The following FRK variants were observed in gnomAD, a reference collection of about 807,000 sequenced individuals.
FRK encodes the protein fyn related Src family tyrosine kinase, also known as tyrosine-protein kinase FRK.
In FRK, 51 loss-of-function variants were observed where a neutral mutation model predicts 56.4. The ratio of observed to expected loss-of-function variants is 0.90; its 90% CI spans 0.72 to 1.14. The LOEUF (loss-of-function observed/expected upper bound fraction) is 1.14, where lower values mean the gene tolerates loss of function less well. FRK is among the 50% of genes most tolerant of loss of function. The pLI is 0.00. For missense variants in FRK, 570 were observed against 601.4 expected (o/e 0.95, Z 0.55); for synonymous variants, 245 against 217.9 (o/e 1.12, Z -1.10).
At chr6:116,087,111 C>G in the FRK span, among the ~76,000 whole-genome samples, 1 of 152,222 alleles carries the variant, frequency 6.6e-6, no homozygotes, top group East Asian at 1.9e-4. Flanking sequence ...AACGTCTCCT[C>G]TTTATTTTAT....
intron 1 of FRK, among the ~76,000 whole-genome samples, chr6:116,010,730 C>T (rs989289222): frequency 2.6e-5 from 4 of 152,114 alleles, no homozygotes; most frequent in Non-Finnish European, 5.9e-5. Flanking sequence ...TCCTTATAGC[C>T]TTGTTTCAAG....
At chr6:115,947,350 G>A (rs907583204) in intron 5 of FRK, among the ~76,000 whole-genome samples, 5 of 117,130 alleles carry the variant, frequency 4.3e-5, no homozygotes, top group African/African-American at 1.6e-4. Flanking sequence ...GTGTGTGTGT[G>A]TGTACACATA....
chr6:116,058,938 C>A (rs957343868), intron 1 of FRK, among the ~76,000 whole-genome samples: 30 of 145,776 alleles, frequency 2.1e-4, no homozygotes, highest in African/African-American at 7.1e-4. Flanking sequence ...AAAATGAGTA[C>A]ATTTTTTGAA....
At position 115,942,982 on chromosome 6, in the gene FRK, A is replaced by G. The variant is rs750678775; in HGVS notation, c.1306+38T>C. ...TTAAAATCACACCTAAGTAAGTGACATGCAGCAGAAAGGTCCACTTCAGAA... is the reference window on the plus strand; with the variant it reads ...TTAAAATCACACCTAAGTAAGTGACGTGCAGCAGAAAGGTCCACTTCAGAA... On this transcript the variant is annotated intron_variant, in intron 7 of 7. Transcript: ENST00000606080. The G allele has an allele frequency of 7.6e-6, 12 of 1,586,694 alleles. No individual in the cohort carries two copies. In the South Asian group the frequency reaches 1.4e-4, roughly 18 times the overall value.
rs13199972 is a variant in FRK, at chr6:115,953,477, C to T, written c.958+2975G>A. Among the ~76,000 whole-genome samples the T allele has an allele frequency of 1.5e-3, 233 of 152,276 alleles. 1 individual carries two copies. The highest frequency in any genetic ancestry group is 4.8e-3 in the Admixed American group (74 of 15,300). ...GTGCTGGGATTACAGGCGTGAGCCA[C>T]CGCGCCCGGCCCAAGGCCACTTTAT... On this transcript the variant is annotated intron_variant, in intron 5 of 7. Transcript: ENST00000606080.
At chr6:116,037,119 T>C (rs1776516554) in intron 1 of FRK, among the ~76,000 whole-genome samples, 1 of 152,188 alleles carries the variant, frequency 6.6e-6, no homozygotes, top group Admixed American at 6.5e-5. Flanking sequence ...GCTGTTAACT[T>C]ACTCTAATAC....
intron 1 of FRK, among the ~76,000 whole-genome samples, chr6:116,019,967 A>G (rs1322862450): frequency 1.3e-5 from 2 of 152,202 alleles, no homozygotes; most frequent in Non-Finnish European, 2.9e-5. Context: ...AAATTTGAAA[A>G]CAGAAAGCAA....
chr6:116,003,718 AT>A (rs1554231806), intron 2 of FRK, among the ~76,000 whole-genome samples, 158 bp downstream of exon 2: 1 of 152,180 alleles, frequency 6.6e-6, no homozygotes, highest in Non-Finnish European at 1.5e-5. Context: ...TTTTTGGCTA[AT>A]TTTTATATTA....
chr6:116,059,741 T>TG (rs1240885130), intron 1 of FRK, among the ~76,000 whole-genome samples: 1 of 152,204 alleles, frequency 6.6e-6, no homozygotes, highest in African/African-American at 2.4e-5. Flanking sequence ...ACCCTGGACC[T>TG]GTGGATGTAC....
chr6:116,050,108 C>G (rs376538972), intron 1 of FRK, among the ~76,000 whole-genome samples: 23 of 152,262 alleles, frequency 1.5e-4, no homozygotes, highest in African/African-American at 5.5e-4. Flanking sequence ...AAAATTAACT[C>G]TTGATATCCT....
intron 2 of FRK, among the ~76,000 whole-genome samples, chr6:115,994,595 A>T (rs1413217530): frequency 6.6e-6 from 1 of 152,080 alleles, no homozygotes; most frequent in Admixed American, 6.6e-5. Flanking sequence ...AAGAAACAGA[A>T]TTTAATACTT....
the FRK span, among the ~76,000 whole-genome samples, chr6:116,096,191 T>C: frequency 1.5e-4 from 23 of 152,016 alleles, no homozygotes; most frequent in African/African-American, 5.6e-4. Context: ...GCCTAAAGAG[T>C]TCCCCTCTAG....
At chr6:115,967,925 G>A (rs1401507490) in intron 3 of FRK, among the ~76,000 whole-genome samples, 1 of 152,038 alleles carries the variant, frequency 6.6e-6, no homozygotes, top group African/African-American at 2.4e-5. Flanking sequence ...CAGATCTTGG[G>A]AAGTCAGGCA....
intron 5 of FRK, among the ~76,000 whole-genome samples, chr6:115,953,251 G>A (rs1175642444): frequency 4.4e-5 from 6 of 137,290 alleles, no homozygotes; most frequent in South Asian, 2.5e-4. Flanking sequence ...GTGCAGTGGC[G>A]GGATCTCGGC....
chr6:116,092,145 T>A, the FRK span, among the ~76,000 whole-genome samples: 1 of 152,152 alleles, frequency 6.6e-6, no homozygotes. Context: ...TTTAGGCACC[T>A]GGGCTTACCA....
chr6:116,069,178 A>G, the FRK span, among the ~76,000 whole-genome samples: 10 of 152,226 alleles, frequency 6.6e-5, no homozygotes, highest in Non-Finnish European at 1.3e-4. Context: ...TCTGTTAGAC[A>G]CTATCAAATT....
chr6:116,008,572 T>C (rs192036014), intron 1 of FRK, among the ~76,000 whole-genome samples: 1 of 152,354 alleles, frequency 6.6e-6, no homozygotes, highest in East Asian at 1.9e-4. Context: ...CTGTGGAGAC[T>C]GATGGATAAA....
intron 1 of FRK, among the ~76,000 whole-genome samples, chr6:116,005,345 C>A (rs1016672668): frequency 6.6e-6 from 1 of 152,152 alleles, no homozygotes; most frequent in African/African-American, 2.4e-5. Context: ...GAGCTCTGCT[C>A]GATGTCAGTC....
chr6:116,096,246 G>A, the FRK span, among the ~76,000 whole-genome samples: 3 of 152,314 alleles, frequency 2.0e-5, no homozygotes, highest in East Asian at 5.8e-4. Context: ...CTATCCCACA[G>A]GAAGTAGCTA....
Sources: allele counts gnomAD v4.1 joint callset (sites outside exome capture counted in the v4.1 genomes callset), GRCh38; gene constraint gnomAD v4.1.1; transcripts MANE v1.5; gene names NCBI Gene and HGNC (gene_info 2026-07-23, HGNC 2026-07-21).